Variants in NFASC observed in about 807,000 individuals in gnomAD.
NFASC encodes the protein neurofascin homolog.
In NFASC, 43 loss-of-function variants were observed where a neutral mutation model predicts 147.5. The observed-to-expected ratio is 0.29, with a 90% CI of 0.23 to 0.38. The LOEUF is 0.38. NFASC is among the 10% of genes least tolerant of loss of function. NFASC has a pLI of 1.00. For missense variants in NFASC, 1,320 were observed against 1,689.0 expected, an observed-to-expected ratio of 0.78 and a Z score of 3.83; for synonymous variants, 622 against 665.5, an observed-to-expected ratio of 0.93 and a Z score of 1.01.
intron 1 of NFASC, among the ~76,000 whole-genome samples, chr1:204,855,695 G>A (rs976679854): frequency 3.8e-4 from 58 of 152,148 alleles, no homozygotes; most frequent in African/African-American, 1.3e-3. Flanking sequence ...CAATTCTAAA[G>A]CATTGCCTTG....
intron 1 of NFASC, among the ~76,000 whole-genome samples, chr1:204,861,550 C>A (rs907887611): frequency 6.6e-6 from 1 of 152,148 alleles, no homozygotes; most frequent in African/African-American, 2.4e-5. Context: ...AGTGCAGTGG[C>A]GTGATCTCAG....
intron 1 of NFASC, among the ~76,000 whole-genome samples, chr1:204,904,976 T>C (rs2085481591): frequency 2.0e-5 from 3 of 152,330 alleles, no homozygotes; most frequent in South Asian, 4.1e-4. Context: ...CCTTGATAAT[T>C]AGCAAATGTC....
intron 1 of NFASC, among the ~76,000 whole-genome samples, chr1:204,859,896 A>G (rs2102823702): frequency 6.6e-6 from 1 of 152,348 alleles, no homozygotes; most frequent in South Asian, 2.1e-4. Flanking sequence ...GGGACTGGGC[A>G]GTTGGAGACC....
intron 1 of NFASC, among the ~76,000 whole-genome samples, chr1:204,919,983 A>G (rs2090120940): frequency 6.6e-6 from 1 of 152,198 alleles, no homozygotes; most frequent in Non-Finnish European, 1.5e-5. Flanking sequence ...CTACCAAGAA[A>G]GGTTATATGA....
intron 3 of NFASC, chr1:204,947,193 C>T (rs1377571039): frequency 4.9e-6 from 1 of 203,142 alleles, no homozygotes; most frequent in Admixed American, 5.3e-5. Context: ...GTTTATTCCT[C>T]AAAAACAAAC....
At chr1:204,842,216 A>C (rs1675553732) in intron 1 of NFASC, among the ~76,000 whole-genome samples, 1 of 152,202 alleles carries the variant, frequency 6.6e-6, no homozygotes. Flanking sequence ...GGTCTGACTA[A>C]GCATATCTGG....
chr1:204,883,448 C>G (rs2080693043), intron 1 of NFASC, among the ~76,000 whole-genome samples: 1 of 152,204 alleles, frequency 6.6e-6, no homozygotes, highest in African/African-American at 2.4e-5. Flanking sequence ...GAAGGCCCCA[C>G]CAGGGAGCAT....
intron 1 of NFASC, among the ~76,000 whole-genome samples, chr1:204,832,241 C>T (rs1180953989): frequency 2.6e-5 from 4 of 152,204 alleles, no homozygotes; most frequent in Non-Finnish European, 5.9e-5. Flanking sequence ...GGCTGCTTAA[C>T]TCTCCCAATC....
At chr1:204,973,935 T>C (rs2095333425) in intron 12 of NFASC, among the ~76,000 whole-genome samples, 1 of 152,134 alleles carries the variant, frequency 6.6e-6, no homozygotes, top group Non-Finnish European at 1.5e-5. Flanking sequence ...GCTGGATAAT[T>C]TGGGGAGACC....
chr1:204,956,876 G>T (rs2094457594), intron 7 of NFASC, among the ~76,000 whole-genome samples: 1 of 151,510 alleles, frequency 6.6e-6, no homozygotes, highest in Non-Finnish European at 1.5e-5. Context: ...TGGAAACCTG[G>T]TCTTTTGGGT....
Position 204,970,739 on chromosome 1 carries a change from C to G in NFASC, c.1127C>G (p.Pro376Arg). 1.2e-6 allele frequency: 2 copies of G among 1,614,198 alleles called. No individual in the cohort carries two copies. Among genetic ancestry groups the G allele is most frequent in the Admixed American group, 1.7e-5 (1 of 60,030 alleles). Residue 376 changes from proline to arginine, a missense_variant, in exon 11 of 30, where the codon CCT becomes CGT. Pro to Arg is a moderately radical substitution (Grantham distance 103). Transcript: ENST00000339876. Reference sequence around the variant, plus strand: ...GTCCAGTGGATGGTGAATGGGGAACCTTTGCAATGTAAGTAGCGAGCTGTT... The same window carrying G: ...GTCCAGTGGATGGTGAATGGGGAACGTTTGCAATGTAAGTAGCGAGCTGTT... ...PTVQWMVNGE[P>R]LQSAPPNPNR... is the part of the protein sequence containing the mutation.
At position 204,951,970 on chromosome 1, in the gene NFASC, G is replaced by T. The variant is rs771905818; in HGVS notation, c.110-41G>T. The T allele has an allele frequency of 4.5e-6, 7 of 1,550,610 alleles. No individual in the cohort carries two copies. In the East Asian group the frequency reaches 1.6e-4, roughly 35 times the overall value. On this transcript the variant is annotated intron_variant, in intron 4 of 29. Transcript: ENST00000339876. ...GTTCCCCAAGCTGGACCCCAGGGAG[G>T]TCCCTGCAGCCCTGACCATGCTCCC...
intron 2 of NFASC, among the ~76,000 whole-genome samples, chr1:204,926,989 C>T (rs975377848): frequency 1.3e-5 from 2 of 152,012 alleles, no homozygotes; most frequent in Non-Finnish European, 2.9e-5. Flanking sequence ...GCAGGAGAAT[C>T]GCTTGAACCC....
chr1:204,906,173 T>C (rs867188500), intron 1 of NFASC, among the ~76,000 whole-genome samples: 1 of 152,220 alleles, frequency 6.6e-6, no homozygotes. Flanking sequence ...TAACTTCTCA[T>C]ATATCTTAAG....
At chr1:204,940,360 C>T (rs2093275901) in intron 2 of NFASC, among the ~76,000 whole-genome samples, 1 of 152,010 alleles carries the variant, frequency 6.6e-6, no homozygotes, top group African/African-American at 2.4e-5. Context: ...GGCTAAGGCA[C>T]GAGAATCACT....
chr1:204,997,387 G>C lies in NFASC; in HGVS notation c.3000G>C (p.Gly1000=). Residue 1000 remains glycine (G), a synonymous_variant, in exon 25 of 30, where the codon GGG becomes GGC. Coordinates refer to ENST00000339876, the MANE Select transcript of NFASC (RefSeq NM_001005388.3). Reference sequence around the variant, plus strand: ...AGAGTCCTCCCACCACCACCTCCGGGACTAAGATACACGAATCCGGTACTG... The same window carrying C: ...AGAGTCCTCCCACCACCACCTCCGGCACTAAGATACACGAATCCGGTACTG... ...TTESPPTTTS[G]TKIHESAPDE... 1 of 1,552,328 alleles carries C rather than the reference G, an allele frequency of 6.4e-7. No individual in the cohort carries two copies. The highest frequency in any genetic ancestry group is 1.4e-5 in the African/African-American group (1 of 73,060).
chr1:204,973,182 C>G (rs572960368), intron 11 of NFASC, 94 bp from the exon 12 acceptor site: 1 of 1,397,570 alleles, frequency 7.2e-7, no homozygotes, highest in East Asian at 2.3e-5. Flanking sequence ...CCCACAGCAC[C>G]CCGCTTGTTC....
chr1:205,006,277 C>T (rs1320085932), intron 27 of NFASC, among the ~76,000 whole-genome samples: 1 of 152,190 alleles, frequency 6.6e-6, no homozygotes, highest in Non-Finnish European at 1.5e-5. Context: ...ATGTGACCAG[C>T]ATTGTGCCAA....
intron 27 of NFASC, among the ~76,000 whole-genome samples, chr1:205,007,733 G>A (rs997079356): frequency 9.2e-5 from 14 of 152,298 alleles, no homozygotes; most frequent in African/African-American, 3.4e-4. Context: ...AGAGCGGCCA[G>A]CATGGCTGGA....
Sources: gnomAD v4.1 joint callset for allele counts (sites outside exome capture counted in the v4.1 genomes callset) on GRCh38, gnomAD v4.1.1 for gene constraint, MANE v1.5 for transcripts, NCBI Gene and HGNC (gene_info 2026-07-23, HGNC 2026-07-21) for gene names.